PRKCA: variants seen among roughly 807,000 people sequenced by gnomAD.
PRKCA encodes the protein protein kinase C alpha, also known as protein kinase C alpha type.
In PRKCA, 27 loss-of-function variants were observed where a neutral mutation model predicts 87.0. The observed-to-expected ratio is 0.31, with a 90% CI of 0.23 to 0.43. The LOEUF is 0.43. Ranked by LOEUF, PRKCA falls within the 20% of genes least tolerant of loss-of-function variation. The pLI is 1.00. For synonymous variants in PRKCA, 329 were observed against 311.1 expected (o/e 1.06, Z -0.61); for missense variants, 518 against 852.3 (o/e 0.61, Z 4.88).
chr17:66,375,115 A>T (rs1401057413), intron 2 of PRKCA, among the ~76,000 whole-genome samples: 1 of 151,750 alleles, frequency 6.6e-6, no homozygotes, highest in Non-Finnish European at 1.5e-5. Context: ...TTAATGGGAG[A>T]ATTTATAGTT....
intron 3 of PRKCA, among the ~76,000 whole-genome samples, chr17:66,521,034 T>G (rs1196510655): frequency 6.6e-6 from 1 of 152,162 alleles, no homozygotes; most frequent in Non-Finnish European, 1.5e-5. Flanking sequence ...TCGGGGACAG[T>G]GTGGCTTGTG....
intron 2 of PRKCA, among the ~76,000 whole-genome samples, chr17:66,467,773 G>C (rs1915148027): frequency 6.6e-6 from 1 of 151,930 alleles, no homozygotes; most frequent in Non-Finnish European, 1.5e-5. Flanking sequence ...GCTCAGGCTT[G>C]TCTTGAACTT....
intron 2 of PRKCA, among the ~76,000 whole-genome samples, chr17:66,395,079 T>A (rs1910586625): frequency 6.6e-6 from 1 of 152,228 alleles, no homozygotes. Flanking sequence ...AACCTAAGGA[T>A]ATAGTTGCTA....
At chr17:66,550,623 TG>T (rs1968296576) in intron 3 of PRKCA, among the ~76,000 whole-genome samples, 2 of 145,660 alleles carry the variant, frequency 1.4e-5, no homozygotes, top group African/African-American at 2.6e-5. Context: ...CACTCCAGCC[TG>T]GGTGACAGAG....
At chr17:66,509,713 TTAAC>T (rs1462535612) in intron 3 of PRKCA, among the ~76,000 whole-genome samples, 2 of 152,160 alleles carry the variant, frequency 1.3e-5, no homozygotes, top group African/African-American at 4.8e-5. Context: ...GCACATAAAA[TTAAC>T]TATCACAGAA....
At chr17:66,653,804 A>AAAC (rs1971656257) in intron 5 of PRKCA, among the ~76,000 whole-genome samples, 1 of 145,138 alleles carries the variant, frequency 6.9e-6, no homozygotes, top group African/African-American at 2.5e-5. Flanking sequence ...AAAAAAAAAA[A>AAAC]AAAAACAAAA....
At chr17:66,772,183 G>A (rs540629239) in intron 13 of PRKCA, among the ~76,000 whole-genome samples, 8 of 152,162 alleles carry the variant, frequency 5.3e-5, no homozygotes, top group South Asian at 2.1e-4. Flanking sequence ...ATAGACTGGA[G>A]ACTCATTTCT....
chr17:66,373,749 T>C (rs1197544898), intron 2 of PRKCA, among the ~76,000 whole-genome samples: 1 of 152,182 alleles, frequency 6.6e-6, no homozygotes, highest in African/African-American at 2.4e-5. Flanking sequence ...AAAGCGGCCA[T>C]TAAAACCCTC....
At chr17:66,791,264 C>T (rs1052819374) in intron 16 of PRKCA, among the ~76,000 whole-genome samples, 9 of 151,490 alleles carry the variant, frequency 5.9e-5, no homozygotes, top group Non-Finnish European at 1.3e-4. Context: ...AAATTGTCGA[C>T]CCAGGCCCTA....
intron 2 of PRKCA, among the ~76,000 whole-genome samples, chr17:66,447,943 T>C (rs1165974926): frequency 6.6e-6 from 1 of 152,182 alleles, no homozygotes; most frequent in Non-Finnish European, 1.5e-5. Context: ...TGGACCCTTT[T>C]TGTCGTGTAG....
chr17:66,522,424 G>A (rs1227229692), intron 3 of PRKCA, among the ~76,000 whole-genome samples: 1 of 152,186 alleles, frequency 6.6e-6, no homozygotes, highest in East Asian at 1.9e-4. Flanking sequence ...AGGACCGAAA[G>A]GAGAGAATAG....
At chr17:66,548,860 G>C (rs1386152904) in intron 3 of PRKCA, among the ~76,000 whole-genome samples, 3 of 151,820 alleles carry the variant, frequency 2.0e-5, no homozygotes, top group South Asian at 4.2e-4. Context: ...CTGGAGTGTA[G>C]TGGCGCAATC....
rs1332101248 is a variant in PRKCA, at chr17:66,670,722, T to C, written c.530-16389T>C. On this transcript the variant is annotated intron_variant, in intron 5 of 16. Transcript: ENST00000413366. ...CCAAAAAAAACACAGAAATGACCGG[T>C]GTGATGGCGTGTGTCTGTAGTCCCA... Among the ~76,000 whole-genome samples the C allele has an allele frequency of 2.0e-5, 3 of 151,314 alleles. No homozygotes were observed. The East Asian group carries it at 5.8e-4, about 29-fold the overall frequency.
chr17:66,579,079 T>A (rs1195315141), intron 3 of PRKCA, among the ~76,000 whole-genome samples: 2 of 152,200 alleles, frequency 1.3e-5, no homozygotes, highest in Non-Finnish European at 2.9e-5. Context: ...CATGTGCACA[T>A]GTGCGTTCCC....
intron 2 of PRKCA, among the ~76,000 whole-genome samples, chr17:66,320,108 G>C (rs1056913617): frequency 3.3e-5 from 5 of 152,250 alleles, no homozygotes; most frequent in African/African-American, 1.2e-4. Context: ...TGTTGTCATA[G>C]GGTCAGGAAA....
At chr17:66,387,427 T>A (rs982993867) in intron 2 of PRKCA, among the ~76,000 whole-genome samples, 1 of 152,160 alleles carries the variant, frequency 6.6e-6, no homozygotes, top group East Asian at 1.9e-4. Context: ...TGAGGGACTC[T>A]TGACAAAGTT....
At chr17:66,673,859 C>T (rs1366636498) in intron 5 of PRKCA, among the ~76,000 whole-genome samples, 1 of 152,220 alleles carries the variant, frequency 6.6e-6, no homozygotes, top group Non-Finnish European at 1.5e-5. Flanking sequence ...GAGATACATC[C>T]TGTGCTCTTT....
At chr17:66,387,019 GC>G (rs1393286463) in intron 2 of PRKCA, among the ~76,000 whole-genome samples, 1 of 152,192 alleles carries the variant, frequency 6.6e-6, no homozygotes, top group African/African-American at 2.4e-5. Flanking sequence ...GCAACAAGGT[GC>G]CTGACTAAGA....
intron 2 of PRKCA, among the ~76,000 whole-genome samples, chr17:66,363,850 G>T (rs564758614): frequency 2.6e-5 from 4 of 152,246 alleles, no homozygotes; most frequent in Admixed American, 6.5e-5. Flanking sequence ...CTACAGGCGC[G>T]TGCCACCATG....
Sources: allele counts gnomAD v4.1 joint callset (sites outside exome capture counted in the v4.1 genomes callset), GRCh38; gene constraint gnomAD v4.1.1; transcripts MANE v1.5; gene names NCBI Gene and HGNC (gene_info 2026-07-23, HGNC 2026-07-21).